The following EIF3M variants were observed in gnomAD, a reference collection of about 807,000 sequenced individuals.
EIF3M encodes the protein eukaryotic translation initiation factor 3 subunit M, also known as B5 receptor.
A neutral mutation model predicts 49.7 loss-of-function variants in EIF3M; 25 were observed. The observed-to-expected ratio is 0.50, with a 90% CI of 0.37 to 0.70. The LOEUF (loss-of-function observed/expected upper bound fraction) is 0.70. Among genes scored for constraint, EIF3M ranks in the 30% least tolerant of loss-of-function variants. The probability of loss-of-function intolerance (pLI) is 0.00; values close to 1 mark genes in which losing one functional copy is unlikely to be tolerated. For synonymous variants in EIF3M, 156 were observed against 149.8 expected (o/e 1.04, Z -0.30); for missense variants, 350 against 440.0 (o/e 0.80, Z 1.83).
chr11:32,593,746 A>T (rs1855137731), intron 5 of EIF3M, 120 bp from the exon 6 acceptor site: 1 of 560,898 alleles, frequency 1.8e-6, no homozygotes, highest in Non-Finnish European at 2.8e-6. Flanking sequence ...ATAGACAGGG[A>T]CTTTGTCTCT....
chr11:32,584,502 C>T (rs1421063725), intron 1 of EIF3M, among the ~76,000 whole-genome samples: 2 of 149,264 alleles, frequency 1.3e-5, no homozygotes, highest in African/African-American at 5.0e-5. Flanking sequence ...CAGCTACTGC[C>T]GAGGCTGAGG....
intron 5 of EIF3M, chr11:32,592,645 C>T (rs1362303444): frequency 7.8e-6 from 4 of 510,210 alleles, no homozygotes; most frequent in Non-Finnish European, 1.5e-5. Flanking sequence ...CTGATTACCA[C>T]ACAACCTGTG....
intron 5 of EIF3M, chr11:32,591,797 G>A (rs903336378): frequency 9.1e-6 from 2 of 218,610 alleles, no homozygotes; most frequent in East Asian, 1.1e-4. Flanking sequence ...TTAGAACCTT[G>A]TGCTACCATA....
At chr11:32,601,523 A>AC in intron 9 of EIF3M, 4 of 268,708 alleles carry the variant, frequency 1.5e-5, no homozygotes. Flanking sequence ...AAAAAAAAAA[A>AC]CAGCAAAAAA....
At chr11:32,588,472 G>C in intron 2 of EIF3M, 122 bp from the exon 3 acceptor site, 2 of 1,065,954 alleles carry the variant, frequency 1.9e-6, no homozygotes, top group Non-Finnish European at 2.5e-6. Flanking sequence ...GTTGCTTTCT[G>C]AATGCGAAAG....
intron 8 of EIF3M, 127 bp downstream of exon 8, chr11:32,596,174 A>G: frequency 1.6e-6 from 1 of 638,542 alleles, no homozygotes; most frequent in Non-Finnish European, 2.5e-6. Context: ...GGAGTCGTGT[A>G]TGATAGAACA....
At chr11:32,597,581 A>G (rs1429644400) in intron 8 of EIF3M, among the ~76,000 whole-genome samples, 1 of 152,214 alleles carries the variant, frequency 6.6e-6, no homozygotes, top group Non-Finnish European at 1.5e-5. Flanking sequence ...AATCTTATTC[A>G]TCCTTATTGA....
At chr11:32,599,048 A>G (rs1476551088) in intron 8 of EIF3M, among the ~76,000 whole-genome samples, 2 of 152,018 alleles carry the variant, frequency 1.3e-5, no homozygotes, top group African/African-American at 2.4e-5. Flanking sequence ...TTAATTCTAT[A>G]ATTAAACATT....
In EIF3M at chr11:32,588,741, A is replaced by G. The variant is rs751496316; in HGVS notation, c.314+9A>G. On this transcript the variant is annotated intron_variant, in intron 3 of 10. Coordinates refer to ENST00000531120, the MANE Select transcript of EIF3M (RefSeq NM_006360.6). ...TCTCTGAGACTGCAGTTGTAAGTTA[A>G]GATCTGAAAGAAACTCAGTTTTTCT... The G allele has an allele frequency of 1.2e-6, 2 of 1,613,722 alleles. No homozygotes were observed.
Position 32,603,303 on chromosome 11 carries a change from CA to C in EIF3M, c.*905del, listed in dbSNP as rs1182180133. ...CTTCAGAACACCATTGTTGAAGAAACAGGAAGGGCAGTGAGATATTTGGAAG... is the reference window on the plus strand; with the variant it reads ...CTTCAGAACACCATTGTTGAAGAAACGGAAGGGCAGTGAGATATTTGGAAG... On this transcript the variant is annotated 3_prime_UTR_variant, in exon 11 of 11. Transcript: ENST00000531120. 3.5e-6 allele frequency: 1 copy of C among 282,472 alleles called. No homozygotes were observed. Among genetic ancestry groups the C allele is most frequent in the East Asian group, 6.3e-5 (1 of 15,792 alleles). 17.5% of individuals were successfully genotyped at this position (282,472 alleles called of 1,614,324 possible). A position where few individuals can be genotyped will look rare whatever the true frequency, so the allele number is the denominator to read the frequency against.
rs770475847 is a variant in EIF3M at position 32,600,829 on chromosome 11, G to A, written c.940G>A (p.Asp314Asn). 6 of 1,604,402 alleles carry A rather than the reference G, an allele frequency of 3.7e-6. No homozygotes were observed. Among genetic ancestry groups the A allele is most frequent in the Non-Finnish European group, 5.1e-6 (6 of 1,175,602 alleles). Residue 314 changes from aspartate (D) to asparagine (N), a missense_variant, in exon 9 of 11, where the codon GAC becomes AAC. By Grantham distance (23) the Asp-to-Asn change is conservative. Coordinates refer to ENST00000531120, the MANE Select transcript of EIF3M (RefSeq NM_006360.6). ...GADDVEAFVI[D>N]AVRTKMVYCK... ...TGATGATGTTGAAGCATTTGTTATT[G>A]ACGGTAAGGCAGACAGAACATTTTC...
At chr11:32,593,674 T>C (rs568933644) in intron 5 of EIF3M, 192 bp from the exon 6 acceptor site, 2 of 380,714 alleles carry the variant, frequency 5.3e-6, no homozygotes, top group East Asian at 3.8e-5. Context: ...ATAGCACTTA[T>C]TAGTTACTTT....
At chr11:32,584,276 G>A (rs892821349) in intron 1 of EIF3M, 65 of 324,682 alleles carry the variant, frequency 2.0e-4, no homozygotes, top group Admixed American at 5.1e-4. Flanking sequence ...TCTGTAGTTA[G>A]CATAAGCAGG....
Position 32,602,631 on chromosome 11 carries a change from A to C in EIF3M, c.*232A>C. Reference sequence around the variant, plus strand: ...TATTGAAGAAGCAATGAGCACTTTAAAGAAAGGATAATATACAGAGAGAAG... The same window carrying C: ...TATTGAAGAAGCAATGAGCACTTTACAGAAAGGATAATATACAGAGAGAAG... On this transcript the variant is annotated 3_prime_UTR_variant, in exon 11 of 11. Coordinates refer to ENST00000531120, the MANE Select transcript of EIF3M (RefSeq NM_006360.6). 6 of 748,382 alleles carry C rather than the reference A, an allele frequency of 8.0e-6. No individual in the cohort carries two copies. Among genetic ancestry groups the C allele is most frequent in the Non-Finnish European group, 1.3e-5 (6 of 478,100 alleles). 46.4% of individuals were successfully genotyped at this position (748,382 alleles called of 1,614,324 possible).
At chr11:32,599,309 C>T (rs1189370123) in intron 8 of EIF3M, among the ~76,000 whole-genome samples, 1 of 151,954 alleles carries the variant, frequency 6.6e-6, no homozygotes, top group South Asian at 2.1e-4. Context: ...TTTCTTGGCG[C>T]CTGTAGATTT....
In EIF3M at chr11:32,600,674, T is replaced by C; in HGVS notation, c.800-15T>C. On this transcript the variant is annotated splice_polypyrimidine_tract_variant and intron_variant, in intron 8 of 10. Coordinates refer to ENST00000531120, the MANE Select transcript of EIF3M (RefSeq NM_006360.6). ...AGTATGAACACTCATCAGGCTTCAC[T>C]ATTCTGTTTTCTAGGCCTGTTACAT... The C allele has an allele frequency of 6.3e-7, 1 of 1,599,858 alleles. No homozygotes were observed. Among genetic ancestry groups the C allele is most frequent in the Non-Finnish European group, 8.5e-7 (1 of 1,173,626 alleles).
intron 9 of EIF3M, 156 bp from the exon 10 acceptor site, chr11:32,601,606 G>A (rs2133205197): frequency 1.7e-6 from 1 of 581,094 alleles, no homozygotes; most frequent in African/African-American, 1.9e-5. Context: ...TCTTTTGGTT[G>A]CCCCATACTG....
chr11:32,586,875 G>A (rs1224784229), intron 1 of EIF3M, 137 bp from the exon 2 acceptor site: 1 of 1,203,258 alleles, frequency 8.3e-7, no homozygotes, highest in Non-Finnish European at 1.1e-6. Context: ...TGGATGAGGT[G>A]AGGGAGGGGT....
In EIF3M at chr11:32,593,922, CT is replaced by C; in HGVS notation, c.592del (p.Ser198ProfsTer15). The C allele has an allele frequency of 6.4e-7, 1 of 1,565,694 alleles. No individual in the cohort carries two copies. The highest frequency in any genetic ancestry group is 8.7e-7 in the Non-Finnish European group (1 of 1,155,650). ...CTCGGAAGTTACACAGAGGACAATGCTTCCCAGGCTCGAGTTGATGCCCACA... is the reference window on the plus strand; with the variant it reads ...CTCGGAAGTTACACAGAGGACAATGCTCCCAGGCTCGAGTTGATGCCCACA... ...ELLGSYTEDN[A>X]SQARVDAHRC... On this transcript the variant is annotated frameshift_variant, in exon 6 of 11. Coordinates refer to ENST00000531120, the MANE Select transcript of EIF3M (RefSeq NM_006360.6). LOFTEE classifies it high-confidence loss of function.
Sources: gnomAD v4.1 joint callset for allele counts (sites outside exome capture counted in the v4.1 genomes callset) on GRCh38, gnomAD v4.1.1 for gene constraint, MANE v1.5 for transcripts, NCBI Gene and HGNC (gene_info 2026-07-23, HGNC 2026-07-21) for gene names.